ARK2N: variants seen among roughly 807,000 people sequenced by gnomAD.
ARK2N encodes the protein arkadia (RNF111) N-terminal like PKA signaling regulator 2N.
the ARK2N span, chr18:46,263,022 A>G: frequency 2.2e-4 from 351 of 1,614,194 alleles, 2 homozygotes; most frequent in South Asian, 2.2e-3. Flanking sequence ...AAACACAGTC[A>G]TGGACTGCTG....
At chr18:46,241,017 T>A in the ARK2N span, among the ~76,000 whole-genome samples, 2 of 152,254 alleles carry the variant, frequency 1.3e-5, no homozygotes, top group Non-Finnish European at 2.9e-5. Flanking sequence ...AGTTTTCTAG[T>A]TAATTTATAA....
the ARK2N span, among the ~76,000 whole-genome samples, chr18:46,175,134 C>A: frequency 1.2e-4 from 16 of 138,710 alleles, no homozygotes; most frequent in East Asian, 3.4e-3. Context: ...CGACCCCCGT[C>A]CCCGGCAGCC....
At chr18:46,226,806 C>CTT in the ARK2N span, among the ~76,000 whole-genome samples, 9 of 133,982 alleles carry the variant, frequency 6.7e-5, no homozygotes, top group South Asian at 2.4e-4. Context: ...ACTGGATTTA[C>CTT]TTTTTTTTTT....
the ARK2N span, among the ~76,000 whole-genome samples, chr18:46,177,842 A>C: frequency 6.6e-6 from 1 of 151,942 alleles, no homozygotes; most frequent in East Asian, 1.9e-4. Flanking sequence ...GGTTGAGGCT[A>C]CAGTGAGCTG....
the ARK2N span, among the ~76,000 whole-genome samples, chr18:46,203,929 G>A: frequency 6.6e-6 from 1 of 152,130 alleles, no homozygotes; most frequent in Non-Finnish European, 1.5e-5. Flanking sequence ...AAAGAGCAGA[G>A]AACTCAGCCC....
chr18:46,261,772 G>A, the ARK2N span, among the ~76,000 whole-genome samples: 1 of 152,164 alleles, frequency 6.6e-6, no homozygotes, highest in African/African-American at 2.4e-5. Context: ...TCTGTTCTTA[G>A]GAATTTTTCT....
At chr18:46,226,420 T>G in the ARK2N span, among the ~76,000 whole-genome samples, 1 of 152,202 alleles carries the variant, frequency 6.6e-6, no homozygotes, top group South Asian at 2.1e-4. Flanking sequence ...AAAGGATACC[T>G]GTAGAGGGTA....
At chr18:46,235,752 A>AGAGTAGT in the ARK2N span, among the ~76,000 whole-genome samples, 1 of 152,190 alleles carries the variant, frequency 6.6e-6, no homozygotes, top group Non-Finnish European at 1.5e-5. Context: ...CTGTAAAATG[A>AGAGTAGT]GAGTAGTGTT....
chr18:46,198,779 A>G, the ARK2N span, among the ~76,000 whole-genome samples: 1 of 152,072 alleles, frequency 6.6e-6, no homozygotes, highest in Non-Finnish European at 1.5e-5. Context: ...TTGTATTTTA[A>G]GTAGAGATGG....
the ARK2N span, among the ~76,000 whole-genome samples, chr18:46,245,857 C>T: frequency 6.6e-6 from 1 of 152,130 alleles, no homozygotes; most frequent in Non-Finnish European, 1.5e-5. Flanking sequence ...CTTTTTCTTA[C>T]CCTATTTTGA....
At chr18:46,237,932 G>A in the ARK2N span, among the ~76,000 whole-genome samples, 2 of 152,272 alleles carry the variant, frequency 1.3e-5, no homozygotes, top group African/African-American at 4.8e-5. Flanking sequence ...AAATATTGCT[G>A]TCTCTGTTTA....
chr18:46,256,771 AT>A, the ARK2N span, among the ~76,000 whole-genome samples: 1 of 152,188 alleles, frequency 6.6e-6, no homozygotes, highest in East Asian at 1.9e-4. Flanking sequence ...CTCCTTTATT[AT>A]TTTGTGAGGG....
the ARK2N span, among the ~76,000 whole-genome samples, chr18:46,229,442 G>C: frequency 6.6e-6 from 1 of 151,904 alleles, no homozygotes; most frequent in African/African-American, 2.4e-5. Flanking sequence ...CCGTCTCCCG[G>C]GTTCATGCCA....
the ARK2N span, among the ~76,000 whole-genome samples, chr18:46,185,212 C>A: frequency 1.3e-5 from 2 of 152,206 alleles, no homozygotes; most frequent in Non-Finnish European, 2.9e-5. Context: ...TGAACTGATA[C>A]TGAACATGAT....
chr18:46,240,067 A>G, the ARK2N span: 4 of 1,614,064 alleles, frequency 2.5e-6, no homozygotes, highest in Admixed American at 1.7e-5. Context: ...AGAAGTGGTA[A>G]ATGTGGACAA....
chr18:46,223,883 T>G, the ARK2N span, among the ~76,000 whole-genome samples: 1 of 152,130 alleles, frequency 6.6e-6, no homozygotes, highest in Admixed American at 6.5e-5. Flanking sequence ...ATATAAGAGA[T>G]AAAGATTAGG....
At chr18:46,266,365 T>C in the ARK2N span, 5 of 152,686 alleles carry the variant, frequency 3.3e-5, 1 homozygote, top group Non-Finnish European at 7.3e-5. Context: ...ATGTGTATGA[T>C]GTGACTTCCA....
the ARK2N span, among the ~76,000 whole-genome samples, chr18:46,225,598 C>A: frequency 0.71 from 107,986 of 151,918 alleles, 38,615 homozygotes; most frequent in Middle Eastern, 0.76. Context: ...ATCTGGGATT[C>A]CAGGAGCCCG....
chr18:46,219,454 G>C, the ARK2N span, among the ~76,000 whole-genome samples: 1 of 151,514 alleles, frequency 6.6e-6, no homozygotes. Context: ...GAGTATCAAG[G>C]CTTTTTATCA....
Sources: gnomAD v4.1 joint callset for allele counts (sites outside exome capture counted in the v4.1 genomes callset) on GRCh38, gnomAD v4.1.1 for gene constraint, MANE v1.5 for transcripts, NCBI Gene and HGNC (gene_info 2026-07-23, HGNC 2026-07-21) for gene names.